The following SPTAN1 variants were observed in gnomAD, a reference collection of about 807,000 sequenced individuals.
SPTAN1 encodes spectrin alpha chain, non-erythrocytic 1.
Under a neutral mutation model 331.3 loss-of-function variants are expected in SPTAN1, and 61 were observed. That is an observed-to-expected ratio of 0.18 (90% CI 0.15 to 0.23). The LOEUF (loss-of-function observed/expected upper bound fraction) is 0.23, where lower values mean the gene tolerates loss of function less well. Ranked by LOEUF, SPTAN1 falls within the 10% of genes least tolerant of loss-of-function variation. The pLI, the probability that SPTAN1 is intolerant of heterozygous loss-of-function variation, is 1.00. For missense variants in SPTAN1, 2,043 were observed against 3,147.9 expected (o/e 0.65, Z 8.40); for synonymous variants, 1,153 against 1,173.9 (o/e 0.98, Z 0.36).
At chr9:128,557,532 T>C (rs537339173) in intron 1 of SPTAN1, among the ~76,000 whole-genome samples, 205 of 152,146 alleles carry the variant, frequency 1.3e-3, no homozygotes, top group African/African-American at 4.8e-3. Context: ...ATATATCCCA[T>C]AAATACCCCC....
intron 5 of SPTAN1, 148 bp downstream of exon 5, chr9:128,575,493 C>A: frequency 3.4e-6 from 3 of 879,434 alleles, no homozygotes; most frequent in Non-Finnish European, 3.6e-6. Flanking sequence ...AGATGTGAGG[C>A]ACAATACTGA....
intron 20 of SPTAN1, 104 bp downstream of exon 20, chr9:128,587,802 C>A: frequency 1.2e-6 from 1 of 821,588 alleles, no homozygotes; most frequent in Non-Finnish European, 2.1e-6. Flanking sequence ...CTGCTATTAA[C>A]TCTTGTGACA....
chr9:128,606,374 C>CAAAAAAAAAAA (rs59257779), intron 31 of SPTAN1, among the ~76,000 whole-genome samples: 8 of 58,766 alleles, frequency 1.4e-4, no homozygotes, highest in African/African-American at 2.3e-4. Flanking sequence ...GACTCTGCCT[C>CAAAAAAAAAAA]AAAAAAAAAA....
intron 1 of SPTAN1, among the ~76,000 whole-genome samples, chr9:128,553,903 A>C (rs868772821): frequency 6.6e-6 from 1 of 152,200 alleles, no homozygotes; most frequent in African/African-American, 2.4e-5. Context: ...GAATGTATCA[A>C]AGATGGAAGG....
At chr9:128,594,710 G>A (rs1853999196) in intron 24 of SPTAN1, among the ~76,000 whole-genome samples, 1 of 151,224 alleles carries the variant, frequency 6.6e-6, no homozygotes, top group South Asian at 2.1e-4. Flanking sequence ...GGGATTATAG[G>A]CATGAGCTTC....
chr9:128,567,106 A>G (rs2132964154), intron 2 of SPTAN1, 129 bp downstream of exon 2: 2 of 1,338,168 alleles, frequency 1.5e-6, no homozygotes, highest in East Asian at 4.7e-5. Flanking sequence ...ATAAGGAAGG[A>G]CAAACTCATT....
Position 128,601,640 on chromosome 9 carries a change from C to T in SPTAN1, c.3579+1525C>T, listed in dbSNP as rs115656852. Among the ~76,000 whole-genome samples the T allele has an allele frequency of 4.6e-3, 706 of 152,132 alleles. 12 individuals carry two copies. The highest frequency in any genetic ancestry group is 0.016 in the African/African-American group (673 of 41,506). On this transcript the variant is annotated intron_variant, in intron 27 of 56. Transcript: ENST00000372739. ...TTAGTACAGTGGTGAGTTTGACAAG[C>T]AAATAAAAAACAAAAAGTAAAAAGA...
At chr9:128,626,095 T>C in intron 48 of SPTAN1, 117 bp downstream of exon 48, 1 of 1,291,370 alleles carries the variant, frequency 7.7e-7, no homozygotes. Context: ...AGTGCAGAGC[T>C]TTCAAACATG....
intron 1 of SPTAN1, among the ~76,000 whole-genome samples, chr9:128,565,694 C>G (rs932127023): frequency 1.3e-4 from 20 of 152,352 alleles, no homozygotes; most frequent in African/African-American, 4.8e-4. Flanking sequence ...CCTACTCACC[C>G]TTTTCTTTCT....
At chr9:128,570,330 ATT>A (rs541960678) in intron 3 of SPTAN1, among the ~76,000 whole-genome samples, 35 of 71,858 alleles carry the variant, frequency 4.9e-4, no homozygotes, top group African/African-American at 2.1e-3. Context: ...ATATATATAT[ATT>A]TTTTTTTTTT....
chr9:128,572,809 C>T (rs1033116657), intron 3 of SPTAN1, among the ~76,000 whole-genome samples: 4 of 152,108 alleles, frequency 2.6e-5, no homozygotes, highest in African/African-American at 7.2e-5. Context: ...CCACCCACAT[C>T]GGGTCCCACA....
intron 18 of SPTAN1, 102 bp from the exon 19 acceptor site, chr9:128,585,646 T>C (rs969317802): frequency 3.1e-6 from 3 of 967,514 alleles, no homozygotes; most frequent in Non-Finnish European, 3.3e-6. Context: ...CACCAAAACA[T>C]AGTAATGAAA....
At chr9:128,568,337 A>C (rs1850274269) in intron 2 of SPTAN1, among the ~76,000 whole-genome samples, 1 of 152,196 alleles carries the variant, frequency 6.6e-6, no homozygotes, top group Non-Finnish European at 1.5e-5. Context: ...CTCTAAAGCA[A>C]GTGAAAGAAA....
chr9:128,628,080 C>T (rs773754706), intron 51 of SPTAN1, 138 bp downstream of exon 51: 19 of 1,058,942 alleles, frequency 1.8e-5, no homozygotes, highest in Non-Finnish European at 2.2e-5. Context: ...CCACCCTTCT[C>T]GTCACCTGAT....
Position 128,624,275 on chromosome 9 carries a change from A to G in SPTAN1, c.5833-53A>G, listed in dbSNP as rs1195727543. 2.5e-6 allele frequency: 4 copies of G among 1,610,936 alleles called. No individual in the cohort carries two copies. In the African/African-American group the frequency reaches 5.3e-5, roughly 22 times the overall value. Reference sequence around the variant, plus strand: ...GAGCCTTTCCAGGGAGGGCATAGTCAGGTAACCACAGCAGGTAAGGCTGAC... The same window carrying G: ...GAGCCTTTCCAGGGAGGGCATAGTCGGGTAACCACAGCAGGTAAGGCTGAC... On this transcript the variant is annotated intron_variant, in intron 45 of 56. Coordinates refer to ENST00000372739, the MANE Select transcript of SPTAN1 (RefSeq NM_001130438.3).
intron 1 of SPTAN1, chr9:128,555,503 GA>G (rs1367473782): frequency 1.5e-5 from 14 of 910,544 alleles, no homozygotes; most frequent in South Asian, 3.2e-5. Context: ...AAGAAAGGGG[GA>G]AAAAAACCCT....
chr9:128,576,865 G>A lies in SPTAN1; in HGVS notation c.694G>A (p.Glu232Lys). Residue 232 changes from glutamate (E) to lysine (K), a missense_variant, in exon 6 of 57, where the codon GAA becomes AAA. Physicochemically the swap from Glu to Lys is moderately conservative, Grantham distance 56. Coordinates refer to ENST00000372739, the MANE Select transcript of SPTAN1 (RefSeq NM_001130438.3). ...EEELIKTKQD[E>K]VNAAWQRLKG... ...GGAACTGATCAAGACTAAGCAGGAT[G>A]AAGTCAATGCAGCCTGGCAGCGGCT... The A allele has an allele frequency of 6.2e-7, 1 of 1,614,110 alleles. No homozygotes were observed.
At position 128,587,712 on chromosome 9, in the gene SPTAN1, A is replaced by G; in HGVS notation, c.2871+14A>G. On this transcript the variant is annotated intron_variant, in intron 20 of 56. Transcript: ENST00000372739. ...CAGTCCTGCCGGGTAAACTTGTAAC[A>G]GTTTATGGGTTACTGGAGGGAGGCC... 1 of 1,612,924 alleles carries G rather than the reference A, an allele frequency of 6.2e-7. No homozygotes were observed. The highest frequency in any genetic ancestry group is 8.5e-7 in the Non-Finnish European group (1 of 1,178,962).
rs143782878 is a variant in SPTAN1, at chr9:128,616,193, T to C, written c.5357+353T>C. Reference sequence around the variant, plus strand: ...GTCCCCGAAAATGTCAGTCTACTGATTCCAGTTGATGTGGCAGGTAAACAA... The same window carrying C: ...GTCCCCGAAAATGTCAGTCTACTGACTCCAGTTGATGTGGCAGGTAAACAA... On this transcript the variant is annotated intron_variant, in intron 41 of 56. Transcript: ENST00000372739. 6.0e-3 allele frequency among the ~76,000 whole-genome samples: 913 copies of C among 152,220 alleles called. 5 individuals carry two copies. Among genetic ancestry groups the C allele is most frequent in the African/African-American group, 0.021 (857 of 41,562 alleles).
Sources: allele counts gnomAD v4.1 joint callset (sites outside exome capture counted in the v4.1 genomes callset), GRCh38; gene constraint gnomAD v4.1.1; transcripts MANE v1.5; gene names NCBI Gene and HGNC (gene_info 2026-07-23, HGNC 2026-07-21).